Variants in GALNT13 observed in about 807,000 individuals in gnomAD.
GALNT13 encodes polypeptide N-acetylgalactosaminyltransferase 13, also known as UDP-GalNAc:polypeptide N-acetylgalactosaminyltransferase 13.
A neutral mutation model predicts 64.2 loss-of-function variants in GALNT13; 28 were observed. That is an observed-to-expected ratio of 0.44 (90% CI 0.32 to 0.60). The LOEUF is 0.60. GALNT13 is among the 20% of genes least tolerant of loss of function. GALNT13 has a pLI of 0.05. For missense variants in GALNT13, 577 were observed against 669.8 expected, an observed-to-expected ratio of 0.86 and a Z score of 1.53; for synonymous variants, 214 against 224.6, an observed-to-expected ratio of 0.95 and a Z score of 0.42.
chr2:154,188,014 T>TTC (rs10635676), intron 4 of GALNT13, among the ~76,000 whole-genome samples: 24,173 of 144,142 alleles, frequency 0.17, 2,030 homozygotes, highest in East Asian at 0.29. Context: ...GCATCAGGCA[T>TTC]TCTCTCTCTC....
chr2:153,348,235 C>T, the GALNT13 span, among the ~76,000 whole-genome samples: 1 of 152,096 alleles, frequency 6.6e-6, no homozygotes, highest in Admixed American at 6.6e-5. Context: ...TTCCCAATAC[C>T]CTTAATAAAA....
At chr2:154,260,549 T>A (rs1690640496) in intron 8 of GALNT13, among the ~76,000 whole-genome samples, 1 of 152,170 alleles carries the variant, frequency 6.6e-6, no homozygotes, top group African/African-American at 2.4e-5. Flanking sequence ...TTTGCATTTG[T>A]CTATATGCTT....
At chr2:153,211,296 C>T in the GALNT13 span, among the ~76,000 whole-genome samples, 3 of 151,904 alleles carry the variant, frequency 2.0e-5, no homozygotes, top group African/African-American at 7.3e-5. Flanking sequence ...GCATGCACCA[C>T]CATGCCCAAC....
intron 2 of GALNT13, among the ~76,000 whole-genome samples, chr2:153,910,101 T>G (rs1688840778): frequency 6.6e-6 from 1 of 151,976 alleles, no homozygotes; most frequent in South Asian, 2.1e-4. Context: ...TATTTATTAC[T>G]GATTCAATTT....
At chr2:154,127,589 A>C (rs972356067) in intron 3 of GALNT13, among the ~76,000 whole-genome samples, 1 of 151,632 alleles carries the variant, frequency 6.6e-6, no homozygotes, top group African/African-American at 2.4e-5. Flanking sequence ...AAAAAAGGAG[A>C]GTCAATAAAG....
intron 4 of GALNT13, among the ~76,000 whole-genome samples, chr2:154,212,834 T>G (rs972209615): frequency 6.9e-5 from 10 of 145,016 alleles, no homozygotes; most frequent in Non-Finnish European, 1.1e-4. Context: ...TAATACAATG[T>G]TTTTTTTTTT....
At chr2:153,427,835 GT>G in the GALNT13 span, among the ~76,000 whole-genome samples, 1 of 152,070 alleles carries the variant, frequency 6.6e-6, no homozygotes, top group East Asian at 1.9e-4. Context: ...ATATTATATA[GT>G]TTTTTATTTC....
the GALNT13 span, among the ~76,000 whole-genome samples, chr2:153,097,757 A>G: frequency 1.1e-4 from 16 of 152,132 alleles, no homozygotes; most frequent in African/African-American, 2.9e-4. Context: ...CTATTGTCAG[A>G]TCATACAGGC....
chr2:154,012,910 C>T (rs934926742), intron 3 of GALNT13, among the ~76,000 whole-genome samples: 2 of 151,864 alleles, frequency 1.3e-5, no homozygotes, highest in Non-Finnish European at 2.9e-5. Context: ...CTATCAGATT[C>T]GTTTGTATCT....
upstream of GALNT13, among the ~76,000 whole-genome samples, chr2:153,867,177 A>G (rs1685781841): frequency 6.6e-6 from 1 of 152,190 alleles, no homozygotes; most frequent in Non-Finnish European, 1.5e-5. Flanking sequence ...TATTCCCACT[A>G]GCAGTTTCTG....
chr2:153,234,101 T>A, the GALNT13 span, among the ~76,000 whole-genome samples: 1 of 152,152 alleles, frequency 6.6e-6, no homozygotes, highest in Non-Finnish European at 1.5e-5. Context: ...AATTCTCAAA[T>A]TTGAAAACCT....
At chr2:153,109,380 C>T in the GALNT13 span, among the ~76,000 whole-genome samples, 3 of 152,076 alleles carry the variant, frequency 2.0e-5, no homozygotes, top group Non-Finnish European at 4.4e-5. Context: ...GAAAGCAAAG[C>T]ACTATAATAC....
At chr2:154,141,449 T>G (rs1192832388) in intron 4 of GALNT13, among the ~76,000 whole-genome samples, 1 of 152,162 alleles carries the variant, frequency 6.6e-6, no homozygotes, top group Admixed American at 6.6e-5. Context: ...ATTCTATTAG[T>G]TTTTTTCCAT....
chr2:153,891,060 A>G (rs555231470), intron 1 of GALNT13, among the ~76,000 whole-genome samples: 42 of 152,150 alleles, frequency 2.8e-4, no homozygotes, highest in African/African-American at 8.7e-4. Flanking sequence ...ATGTATGTCT[A>G]CATCTCTTTG....
intron 3 of GALNT13, among the ~76,000 whole-genome samples, chr2:154,086,305 G>A (rs897498016): frequency 7.3e-6 from 1 of 136,600 alleles, no homozygotes; most frequent in African/African-American, 2.6e-5. Flanking sequence ...CCATGATATC[G>A]AAATATATAA....
chr2:154,319,483 T>A (rs1039146269), intron 9 of GALNT13, among the ~76,000 whole-genome samples: 65 of 151,986 alleles, frequency 4.3e-4, no homozygotes, highest in African/African-American at 1.2e-3. Context: ...CTGGGCAACG[T>A]GGTGAAACCC....
At chr2:154,264,089 GT>G (rs1159789084) in intron 8 of GALNT13, among the ~76,000 whole-genome samples, 3 of 152,182 alleles carry the variant, frequency 2.0e-5, no homozygotes, top group Non-Finnish European at 2.9e-5. Flanking sequence ...GAGTAATGGA[GT>G]CCTGGGCAGA....
intron 3 of GALNT13, among the ~76,000 whole-genome samples, chr2:154,094,482 C>T (rs1007997993): frequency 6.6e-6 from 1 of 151,852 alleles, no homozygotes; most frequent in Non-Finnish European, 1.5e-5. Flanking sequence ...TAATTCCTGC[C>T]TTAAATTGGA....
At chr2:154,135,445 A>G (rs184842675) in intron 3 of GALNT13, among the ~76,000 whole-genome samples, 1 of 152,336 alleles carries the variant, frequency 6.6e-6, no homozygotes, top group East Asian at 1.9e-4. Flanking sequence ...TACATAAGAA[A>G]TGAAAAACAA....
Sources: gnomAD v4.1 joint callset for allele counts (sites outside exome capture counted in the v4.1 genomes callset) on GRCh38, gnomAD v4.1.1 for gene constraint, MANE v1.5 for transcripts, NCBI Gene and HGNC (gene_info 2026-07-23, HGNC 2026-07-21) for gene names.